Variants in BMERB1 observed in about 807,000 individuals in gnomAD.
BMERB1 encodes bMERB domain containing 1, also known as bMERB domain-containing protein 1.
BMERB1 carries 12 observed loss-of-function variants against 23.6 expected under a neutral mutation model. The ratio of observed to expected loss-of-function variants is 0.51; its 90% CI spans 0.33 to 0.82. BMERB1 has a LOEUF of 0.82. Among genes scored for constraint, BMERB1 ranks in the 40% least tolerant of loss-of-function variants. The probability of loss-of-function intolerance (pLI) is 0.03; values close to 1 mark genes in which losing one functional copy is unlikely to be tolerated. For missense variants in BMERB1, 247 were observed against 255.4 expected, an observed-to-expected ratio of 0.97 and a Z score of 0.22; for synonymous variants, 122 against 96.6, an observed-to-expected ratio of 1.26 and a Z score of -1.54.
intron 1 of BMERB1, among the ~76,000 whole-genome samples, chr16:15,485,226 C>T (rs1440358490): frequency 6.6e-6 from 1 of 152,056 alleles, no homozygotes; most frequent in Non-Finnish European, 1.5e-5. Flanking sequence ...GGTTCTGGGT[C>T]GTATGTTCAT....
rs146566840 is a variant in BMERB1 at position 15,531,487 on chromosome 16, G to C, written c.230+16059G>C. 7.6e-3 allele frequency among the ~76,000 whole-genome samples: 1,159 copies of C among 152,218 alleles called. 21 individuals are homozygous for C. Among genetic ancestry groups the C allele is most frequent in the African/African-American group, 0.026 (1,099 of 41,524 alleles). On this transcript the variant is annotated intron_variant, in intron 2 of 5. Transcript: ENST00000300006. Reference sequence around the variant, plus strand: ...CATTCTTCAGTCTACCATATTGAGTGACCACAGCAATTCATATAAGGGCCA... The same window carrying C: ...CATTCTTCAGTCTACCATATTGAGTCACCACAGCAATTCATATAAGGGCCA...
intron 2 of BMERB1, among the ~76,000 whole-genome samples, chr16:15,539,858 AAAG>A (rs1283513017): frequency 6.6e-6 from 1 of 151,972 alleles, no homozygotes; most frequent in Non-Finnish European, 1.5e-5. Context: ...AAAAAAAGAA[AAAG>A]AAAAAGAATT....
At chr16:15,527,033 TTA>T (rs1567485235) in intron 2 of BMERB1, among the ~76,000 whole-genome samples, 2 of 150,930 alleles carry the variant, frequency 1.3e-5, no homozygotes, top group African/African-American at 4.9e-5. Context: ...TTATGCACAC[TTA>T]TATGTAGTTT....
chr16:15,554,890 TCTC>T (rs1445004854), intron 2 of BMERB1, among the ~76,000 whole-genome samples: 2 of 152,002 alleles, frequency 1.3e-5, no homozygotes, highest in Non-Finnish European at 2.9e-5. Flanking sequence ...ATGGTCTCGA[TCTC>T]CTGACCTTGT....
chr16:15,439,523 T>A (rs1009107101), intron 1 of BMERB1, among the ~76,000 whole-genome samples: 5 of 152,158 alleles, frequency 3.3e-5, no homozygotes, highest in African/African-American at 1.2e-4. Context: ...CATTTCTTAG[T>A]AAATTCTGGT....
intron 1 of BMERB1, among the ~76,000 whole-genome samples, chr16:15,482,641 G>T (rs1295419085): frequency 1.3e-5 from 2 of 152,120 alleles, no homozygotes; most frequent in East Asian, 1.9e-4. Context: ...ATCTGGAGGA[G>T]GAAATCACTG....
intron 1 of BMERB1, among the ~76,000 whole-genome samples, chr16:15,483,644 T>G (rs1340209553): frequency 6.6e-6 from 1 of 152,144 alleles, no homozygotes; most frequent in East Asian, 1.9e-4. Context: ...CCTCCCAAAG[T>G]GCTAGGATTA....
chr16:15,579,307 G>C (rs1164074132), intron 3 of BMERB1, among the ~76,000 whole-genome samples: 1 of 152,142 alleles, frequency 6.6e-6, no homozygotes, highest in Admixed American at 6.5e-5. Flanking sequence ...GCTGACGAGT[G>C]ATTTGGGGAA....
intron 2 of BMERB1, among the ~76,000 whole-genome samples, chr16:15,552,150 A>C (rs2030109766): frequency 6.6e-6 from 1 of 152,044 alleles, no homozygotes; most frequent in South Asian, 2.1e-4. Flanking sequence ...AAAAAAATCA[A>C]AAATAACAAG....
chr16:15,510,715 T>G (rs1220989088), intron 1 of BMERB1, among the ~76,000 whole-genome samples: 1 of 152,056 alleles, frequency 6.6e-6, no homozygotes, highest in Non-Finnish European at 1.5e-5. Flanking sequence ...TTATCTTTTT[T>G]TTTTTAGACG....
At chr16:15,575,916 T>G (rs2030846159) in intron 3 of BMERB1, among the ~76,000 whole-genome samples, 1 of 152,052 alleles carries the variant, frequency 6.6e-6, no homozygotes, top group African/African-American at 2.4e-5. Flanking sequence ...TCCAGTCCTT[T>G]TGTTACTTAT....
At position 15,517,855 on chromosome 16, in the gene BMERB1, G is replaced by T. The variant is rs1478730187; in HGVS notation, c.230+2427G>T. ...GTGTGTATATGTGTATTGTGGATGT[G>T]TGTGTGTGGATGTGTGTGGGTGTGT... On this transcript the variant is annotated intron_variant, in intron 2 of 5. Transcript: ENST00000300006. 9.4e-5 allele frequency among the ~76,000 whole-genome samples: 8 copies of T among 85,546 alleles called. No individual in the cohort carries two copies. In the East Asian group the frequency reaches 6.3e-3, roughly 67 times the overall value. 56.1% of individuals were successfully genotyped at this position (85,546 alleles called of 152,430 possible).
intron 2 of BMERB1, among the ~76,000 whole-genome samples, chr16:15,557,748 A>G (rs1047256179): frequency 2.6e-5 from 4 of 152,206 alleles, no homozygotes; most frequent in African/African-American, 4.8e-5. Context: ...TCATAAGGAC[A>G]TTTAATATTT....
chr16:15,486,497 G>A (rs1445890890), intron 1 of BMERB1, among the ~76,000 whole-genome samples: 1 of 152,088 alleles, frequency 6.6e-6, no homozygotes, highest in East Asian at 1.9e-4. Flanking sequence ...GTTGAGACTG[G>A]AATCTTAATC....
intron 5 of BMERB1, among the ~76,000 whole-genome samples, chr16:15,584,792 T>C (rs1199964037): frequency 6.6e-6 from 1 of 152,160 alleles, no homozygotes; most frequent in African/African-American, 2.4e-5. Context: ...AACCATAGCT[T>C]AGCAACTCTG....
chr16:15,470,525 C>T, intron 1 of BMERB1, among the ~76,000 whole-genome samples: 1 of 125,520 alleles, frequency 8.0e-6, no homozygotes. Context: ...CTTTTTCTTT[C>T]TTTCTTTCTT....
intron 5 of BMERB1, among the ~76,000 whole-genome samples, chr16:15,585,768 G>T (rs1377185037): frequency 6.6e-6 from 1 of 152,138 alleles, no homozygotes; most frequent in Non-Finnish European, 1.5e-5. Context: ...TGCGGAGGTT[G>T]CAGTGAGCCA....
chr16:15,499,871 T>C (rs1029574047), intron 1 of BMERB1, among the ~76,000 whole-genome samples: 1 of 152,116 alleles, frequency 6.6e-6, no homozygotes, highest in Non-Finnish European at 1.5e-5. Context: ...CAGCTCCAGA[T>C]AAGGAGTCGG....
Position 15,580,897 on chromosome 16 carries a change from G to A in BMERB1, c.305-320G>A, listed in dbSNP as rs539348637. On this transcript the variant is annotated intron_variant, in intron 3 of 5. Transcript: ENST00000300006. The stretch of plus-strand genomic sequence containing the variant: ...CTCATCTGTCTCTCTGTAATTTTTT[G>A]TTTTTTTTTTCTTTCTTGAAATGAA... 2.0e-5 allele frequency among the ~76,000 whole-genome samples: 3 copies of A among 147,544 alleles called. No individual in the cohort carries two copies. In the East Asian group the frequency reaches 5.9e-4, roughly 29 times the overall value.
Sources: allele counts gnomAD v4.1 joint callset (sites outside exome capture counted in the v4.1 genomes callset), GRCh38; gene constraint gnomAD v4.1.1; transcripts MANE v1.5; gene names NCBI Gene and HGNC (gene_info 2026-07-23, HGNC 2026-07-21).